DEK: variants seen among roughly 807,000 people sequenced by gnomAD.
DEK encodes DEK proto-oncogene.
A neutral mutation model predicts 46.8 loss-of-function variants in DEK; 28 were observed. The ratio of observed to expected loss-of-function variants is 0.60; its 90% CI spans 0.44 to 0.82. DEK has a LOEUF of 0.82. Among genes scored for constraint, DEK ranks in the 40% least tolerant of loss-of-function variants. DEK has a pLI of 0.00. For missense variants in DEK, 416 were observed against 430.6 expected (o/e 0.97, Z 0.30); for synonymous variants, 160 against 144.5 (o/e 1.11, Z -0.77).
chr6:18,233,131 G>C (rs1167381332), intron 9 of DEK, among the ~76,000 whole-genome samples: 2 of 152,168 alleles, frequency 1.3e-5, no homozygotes, highest in East Asian at 1.9e-4. Flanking sequence ...ATGGTGCTGG[G>C]AAAACTGGCT....
At chr6:18,235,749 A>T (rs1180177549) in intron 9 of DEK, among the ~76,000 whole-genome samples, 2 of 152,178 alleles carry the variant, frequency 1.3e-5, no homozygotes, top group African/African-American at 4.8e-5. Context: ...TCAGCCTATC[A>T]AAGTGTTGGG....
At chr6:18,250,805 A>T (rs1255921855) in intron 6 of DEK, among the ~76,000 whole-genome samples, 1 of 152,090 alleles carries the variant, frequency 6.6e-6, no homozygotes, top group Non-Finnish European at 1.5e-5. Flanking sequence ...CATAAAAAAA[A>T]TGTATAACTT....
intron 9 of DEK, among the ~76,000 whole-genome samples, chr6:18,234,279 G>GATATATATATATAT (rs34234830): frequency 6.9e-6 from 1 of 144,714 alleles, no homozygotes; most frequent in African/African-American, 2.5e-5. Context: ...ATGGCACATG[G>GATATATATATATAT]ATATATATAT....
chr6:18,233,481 C>G (rs1402708996), intron 9 of DEK, among the ~76,000 whole-genome samples: 4 of 152,080 alleles, frequency 2.6e-5, no homozygotes, highest in Non-Finnish European at 2.9e-5. Flanking sequence ...TCAGAATCTA[C>G]AAAGAACTTA....
intron 6 of DEK, among the ~76,000 whole-genome samples, chr6:18,254,180 A>T (rs1448655529): frequency 6.6e-6 from 1 of 152,086 alleles, no homozygotes; most frequent in Non-Finnish European, 1.5e-5. Context: ...AAAAGACAAA[A>T]ATTAGCCAGG....
intron 9 of DEK, among the ~76,000 whole-genome samples, chr6:18,228,623 G>C (rs1282531036): frequency 3.9e-5 from 6 of 152,188 alleles, no homozygotes; most frequent in African/African-American, 1.4e-4. Flanking sequence ...CCCTTTCCTA[G>C]CCAAAGGAAG....
Position 18,233,677 on chromosome 6 carries a change from C to A in DEK, c.1047+2775G>T, listed in dbSNP as rs536018028. ...ATGTCACACCAGTTAGAATGGAGAT[C>A]ATCAAAAAGTCAGGAAACAACAGGT... On this transcript the variant is annotated intron_variant, in intron 9 of 10. Coordinates refer to ENST00000652689, the MANE Select transcript of DEK (RefSeq NM_003472.4). Among the ~76,000 whole-genome samples, 21 of 152,224 alleles carry A rather than the reference C, an allele frequency of 1.4e-4. No homozygotes were observed. In the South Asian group the frequency reaches 4.1e-3, roughly 30 times the overall value.
At position 18,258,128 on chromosome 6, in the gene DEK, A is replaced by C; in HGVS notation, c.248-66T>G. The C allele has an allele frequency of 2.4e-6, 3 of 1,236,204 alleles. No individual in the cohort carries two copies. In the South Asian group the frequency reaches 4.2e-5, roughly 17 times the overall value. 76.6% of individuals were successfully genotyped at this position (1,236,204 alleles called of 1,614,324 possible). On this transcript the variant is annotated intron_variant, in intron 3 of 10. Coordinates refer to ENST00000652689, the MANE Select transcript of DEK (RefSeq NM_003472.4). ...ACTAATACATTTACAAAGTTAATTT[A>C]ATGAGAATTATTTTCACAGCATAAT...
At chr6:18,226,330 A>G in intron 9 of DEK, 88 bp from the exon 10 acceptor site, 1 of 1,129,450 alleles carries the variant, frequency 8.9e-7, no homozygotes, top group Non-Finnish European at 1.2e-6. Flanking sequence ...GAAATCTGCT[A>G]CGTGCAAATA....
At chr6:18,227,150 G>A (rs575570624) in intron 9 of DEK, among the ~76,000 whole-genome samples, 3 of 152,144 alleles carry the variant, frequency 2.0e-5, no homozygotes, top group African/African-American at 7.2e-5. Flanking sequence ...CCCCCAGCCC[G>A]ACACCCTTAA....
In DEK at chr6:18,250,568, CTTTTTTTTTTTTTT is replaced by C. The variant is rs70974716; in HGVS notation, c.574-743_574-730del. Among the ~76,000 whole-genome samples the C allele has an allele frequency of 1.4e-3, 88 of 62,858 alleles. 5 individuals are homozygous for C. The highest frequency in any genetic ancestry group is 4.9e-3 in the Admixed American group (19 of 3,846). The allele number at this position is 62,858 out of a possible 152,430, so 41.2% of individuals were successfully genotyped here. ...CCAATCGAAGGAATGGGAGAAAAAC[CTTTTTTTTTTTTTT>C]TTTTTTTTTTTTTTGAGACAGAGTC... On this transcript the variant is annotated intron_variant, in intron 6 of 10. Coordinates refer to ENST00000652689, the MANE Select transcript of DEK (RefSeq NM_003472.4).
rs1791746948 is a variant in DEK at position 18,259,403 on chromosome 6, A to AT, written c.146-999_146-998insA. Reference sequence around the variant, plus strand: ...CAGCAAGACTCCGTCTCAAAAAAAAAAAAAAAAAAAAAAAAAAAAAAAAAA... The same window carrying AT: ...CAGCAAGACTCCGTCTCAAAAAAAAATAAAAAAAAAAAAAAAAAAAAAAAAA... On this transcript the variant is annotated intron_variant, in intron 2 of 10. Coordinates refer to ENST00000652689, the MANE Select transcript of DEK (RefSeq NM_003472.4). 4.1e-5 allele frequency among the ~76,000 whole-genome samples: 3 copies of AT among 72,550 alleles called. 1 individual carries two copies. In the East Asian group the frequency reaches 7.8e-4, roughly 19 times the overall value. The allele number at this position is 72,550 out of a possible 152,430, so 47.6% of individuals were successfully genotyped here. A position where few individuals can be genotyped will look rare whatever the true frequency, so the allele number is the denominator to read the frequency against.
intron 7 of DEK, among the ~76,000 whole-genome samples, chr6:18,245,964 T>C (rs1791096041): frequency 6.6e-6 from 1 of 152,262 alleles, no homozygotes. Flanking sequence ...ACATACCCTC[T>C]TGCTTGCTGC....
At chr6:18,228,594 C>T (rs372526436) in intron 9 of DEK, among the ~76,000 whole-genome samples, 8 of 152,266 alleles carry the variant, frequency 5.3e-5, no homozygotes, top group East Asian at 3.9e-4. Flanking sequence ...ACCTGGGAAG[C>T]GCAAGGGGTC....
intron 9 of DEK, among the ~76,000 whole-genome samples, chr6:18,233,033 G>C (rs1790478024): frequency 6.6e-6 from 1 of 152,126 alleles, no homozygotes; most frequent in African/African-American, 2.4e-5. Context: ...AGAGCCCTCG[G>C]AAATAATACC....
chr6:18,256,149 G>A (rs540753998), intron 5 of DEK, among the ~76,000 whole-genome samples: 10 of 152,060 alleles, frequency 6.6e-5, no homozygotes, highest in East Asian at 5.8e-4. Flanking sequence ...CACCACAGCC[G>A]GCTAATTTTG....
intron 7 of DEK, among the ~76,000 whole-genome samples, chr6:18,239,040 T>A (rs575010200): frequency 6.6e-6 from 1 of 152,222 alleles, no homozygotes; most frequent in Non-Finnish European, 1.5e-5. Context: ...TTCTCCTGCC[T>A]CAGCCTCTTG....
In DEK at chr6:18,236,329, ATAGTAG is replaced by A; in HGVS notation, c.1047+117_1047+122del. The A allele has an allele frequency of 2.9e-6, 3 of 1,019,768 alleles. No individual in the cohort carries two copies. In the South Asian group the frequency reaches 4.8e-5, roughly 16 times the overall value. 63.2% of individuals were successfully genotyped at this position (1,019,768 alleles called of 1,614,324 possible). A position where few individuals can be genotyped will look rare whatever the true frequency, so the allele number is the denominator to read the frequency against. On this transcript the variant is annotated intron_variant, in intron 9 of 10. Coordinates refer to ENST00000652689, the MANE Select transcript of DEK (RefSeq NM_003472.4). ...CAGCACCTGTAAGGAGATCTGGCAT[ATAGTAG>A]TTCAATAAATCTTTCTTCAATAAGT...
At position 18,237,838 on chromosome 6, in the gene DEK, TTCTC is replaced by T. The variant is rs977044377; in HGVS notation, c.763-326_763-323del. The stretch of plus-strand genomic sequence containing the variant: ...ATAATATTATCTTCTCTTATTTATG[TTCTC>T]TCTCTTTCAACTGGAATCTTTTTTT... On this transcript the variant is annotated intron_variant, in intron 7 of 10. Transcript: ENST00000652689. Among the ~76,000 whole-genome samples, 19 of 151,556 alleles carry T rather than the reference TTCTC, an allele frequency of 1.3e-4. No individual in the cohort carries two copies. The South Asian group carries it at 1.7e-3, about 13-fold the overall frequency.
Sources: gnomAD v4.1 joint callset for allele counts (sites outside exome capture counted in the v4.1 genomes callset) on GRCh38, gnomAD v4.1.1 for gene constraint, MANE v1.5 for transcripts, NCBI Gene and HGNC (gene_info 2026-07-23, HGNC 2026-07-21) for gene names.